SEL1L2: variants seen among roughly 807,000 people sequenced by gnomAD.
The protein encoded by SEL1L2 is protein sel-1 homolog 2.
SEL1L2 carries 89 observed loss-of-function variants against 98.8 expected under a neutral mutation model. The ratio of observed to expected loss-of-function variants is 0.90; its 90% CI spans 0.76 to 1.07. The LOEUF is 1.07. Among genes scored for constraint, SEL1L2 ranks in the 50% least tolerant of loss-of-function variants. The pLI, the probability that SEL1L2 is intolerant of heterozygous loss-of-function variation, is 0.00. For missense variants in SEL1L2, 788 were observed against 812.0 expected, an observed-to-expected ratio of 0.97 and a Z score of 0.36; for synonymous variants, 262 against 278.5, an observed-to-expected ratio of 0.94 and a Z score of 0.59.
chr20:13,910,566 T>C lies in SEL1L2; in HGVS notation c.549+3216A>G, dbSNP rs149469692. Among the ~76,000 whole-genome samples, 6 of 152,350 alleles carry C rather than the reference T, an allele frequency of 3.9e-5. No individual in the cohort carries two copies. In the East Asian group the frequency reaches 1.2e-3, roughly 29 times the overall value. On this transcript the variant is annotated intron_variant, in intron 5 of 19. Coordinates refer to ENST00000284951, the MANE Select transcript of SEL1L2 (RefSeq NM_025229.2). ...CCACACCATGCCACCCTGAGGTCTG[T>C]AACTGTACATTTCTTAGAGTACCAT...
intron 4 of SEL1L2, among the ~76,000 whole-genome samples, chr20:13,914,567 T>C (rs1054876989): frequency 1.3e-5 from 2 of 152,298 alleles, no homozygotes; most frequent in South Asian, 2.1e-4. Context: ...CACTTACTAG[T>C]TGGAGAACTT....
intron 4 of SEL1L2, among the ~76,000 whole-genome samples, chr20:13,917,786 CTTTTTTTTTTT>C (rs5840588): frequency 9.4e-4 from 47 of 50,114 alleles, no homozygotes; most frequent in African/African-American, 2.2e-3. Flanking sequence ...TTCTTTCTTT[CTTTTTTTTTTT>C]TTTTTTTTTT....
At chr20:13,893,290 C>A (rs1218975245) in intron 5 of SEL1L2, among the ~76,000 whole-genome samples, 1 of 152,120 alleles carries the variant, frequency 6.6e-6, no homozygotes, top group Non-Finnish European at 1.5e-5. Context: ...AAATAAAGTT[C>A]CCCCTTTTCC....
chr20:13,973,812 T>C (rs927554052), intron 1 of SEL1L2, among the ~76,000 whole-genome samples: 1 of 152,158 alleles, frequency 6.6e-6, no homozygotes, highest in Non-Finnish European at 1.5e-5. Flanking sequence ...TAACCTTAGA[T>C]CTAGTTCTAG....
chr20:13,896,760 AG>A, intron 5 of SEL1L2, among the ~76,000 whole-genome samples: 1 of 152,204 alleles, frequency 6.6e-6, no homozygotes, highest in East Asian at 1.9e-4. Flanking sequence ...AAATGAAAGA[AG>A]ATACAAATCA....
chr20:13,870,216 T>A lies in SEL1L2; in HGVS notation c.1105-13A>T. On this transcript the variant is annotated splice_polypyrimidine_tract_variant and intron_variant, in intron 12 of 19. Coordinates refer to ENST00000284951, the MANE Select transcript of SEL1L2 (RefSeq NM_025229.2). ...CGATTGCATTGCCCTAGAAGAGTTT[T>A]ATAAAGCCAAGTAAAGTCCCAGAAG... is the stretch of plus-strand genomic sequence containing the variant. 6.3e-7 allele frequency: 1 copy of A among 1,597,410 alleles called. No homozygotes were observed. The highest frequency in any genetic ancestry group is 8.5e-7 in the Non-Finnish European group (1 of 1,172,200).
intron 18 of SEL1L2, among the ~76,000 whole-genome samples, chr20:13,858,551 C>T (rs1211633417): frequency 6.6e-6 from 1 of 152,146 alleles, no homozygotes; most frequent in African/African-American, 2.4e-5. Flanking sequence ...ATGACAGAAA[C>T]GCATAGCCCA....
At chr20:13,955,686 T>C (rs1034719879) in intron 2 of SEL1L2, among the ~76,000 whole-genome samples, 1 of 152,202 alleles carries the variant, frequency 6.6e-6, no homozygotes, top group Non-Finnish European at 1.5e-5. Context: ...ACTTCCAAAA[T>C]GTGCAAAGAC....
intron 1 of SEL1L2, among the ~76,000 whole-genome samples, chr20:13,987,311 G>GTTTTTTTTTTTTTTTTTTTTTT (rs67919960): frequency 7.6e-6 from 1 of 132,208 alleles, no homozygotes; most frequent in African/African-American, 3.0e-5. Context: ...TTAATTTACT[G>GTTTTTTTTTTTTTTTTTTTTTT]TTTTTTTTTT....
In SEL1L2 at chr20:13,931,192, C is replaced by T. The variant is rs1428435367; in HGVS notation, c.283+411G>A. Among the ~76,000 whole-genome samples the T allele has an allele frequency of 2.6e-5, 4 of 151,808 alleles. No individual in the cohort carries two copies. The South Asian group carries it at 6.3e-4, about 24-fold the overall frequency. ...CCGAGTAGCTGGGACTACAGGTGCC[C>T]GCCACCGTGCCTGGCTAATTTTTGT... On this transcript the variant is annotated intron_variant, in intron 3 of 19. Transcript: ENST00000284951.
chr20:13,890,923 C>T (rs576069190), intron 5 of SEL1L2, among the ~76,000 whole-genome samples: 1 of 151,898 alleles, frequency 6.6e-6, no homozygotes, highest in African/African-American at 2.4e-5. Context: ...GAAGAATCAG[C>T]AAACATGAAC....
chr20:13,908,841 G>A (rs570186003), intron 5 of SEL1L2, among the ~76,000 whole-genome samples: 8 of 152,284 alleles, frequency 5.3e-5, no homozygotes, highest in Non-Finnish European at 1.0e-4. Context: ...CACTAAAGGT[G>A]CATGAAAAGA....
chr20:13,972,472 C>G (rs2051330657), intron 1 of SEL1L2, among the ~76,000 whole-genome samples: 1 of 151,944 alleles, frequency 6.6e-6, no homozygotes, highest in Admixed American at 6.6e-5. Context: ...TTAGATTTAT[C>G]ATAAGTCTTA....
At chr20:13,967,149 G>A (rs968300204) in intron 1 of SEL1L2, among the ~76,000 whole-genome samples, 11 of 152,180 alleles carry the variant, frequency 7.2e-5, no homozygotes, top group African/African-American at 2.6e-4. Flanking sequence ...CCAAAGTGCT[G>A]GGATTACAGG....
intron 1 of SEL1L2, 24 bp from the exon 2 acceptor site, chr20:13,956,155 T>A (rs1178032541): frequency 1.6e-6 from 2 of 1,246,590 alleles, no homozygotes; most frequent in African/African-American, 3.1e-5. Flanking sequence ...AATTTTTTTA[T>A]AAAATTTAAA....
chr20:13,978,687 T>C (rs2051661502), intron 1 of SEL1L2, among the ~76,000 whole-genome samples: 1 of 151,652 alleles, frequency 6.6e-6, no homozygotes. Context: ...TAAACGAAAA[T>C]ATAAAAATAT....
At chr20:13,950,176 G>C (rs367690916) in intron 2 of SEL1L2, among the ~76,000 whole-genome samples, 1 of 152,034 alleles carries the variant, frequency 6.6e-6, no homozygotes, top group African/African-American at 2.4e-5. Flanking sequence ...GGGTGAGAGG[G>C]GAATGGAGAG....
At chr20:13,982,867 T>C (rs1312024096) in intron 1 of SEL1L2, among the ~76,000 whole-genome samples, 1 of 150,286 alleles carries the variant, frequency 6.7e-6, no homozygotes, top group African/African-American at 2.4e-5. Flanking sequence ...CTACTAAAAA[T>C]ACAAAAATTA....
chr20:13,898,334 T>C (rs970672942), intron 5 of SEL1L2, among the ~76,000 whole-genome samples: 2 of 152,096 alleles, frequency 1.3e-5, no homozygotes, highest in African/African-American at 2.4e-5. Context: ...CCAAGGAAAC[T>C]TCAGACTTTG....
Sources: allele counts gnomAD v4.1 joint callset (sites outside exome capture counted in the v4.1 genomes callset), GRCh38; gene constraint gnomAD v4.1.1; transcripts MANE v1.5; gene names NCBI Gene and HGNC (gene_info 2026-07-23, HGNC 2026-07-21).